Variants in ABCA2 observed in about 807,000 individuals in gnomAD.
ABCA2 encodes ATP binding cassette subfamily A member 2.
ABCA2 carries 84 observed loss-of-function variants against 262.8 expected under a neutral mutation model. That is an observed-to-expected ratio of 0.32 (90% CI 0.27 to 0.38). The LOEUF (loss-of-function observed/expected upper bound fraction) is 0.38, where lower values mean the gene tolerates loss of function less well. Ranked by LOEUF, ABCA2 falls within the 10% of genes least tolerant of loss-of-function variation. The pLI, the probability that ABCA2 is intolerant of heterozygous loss-of-function variation, is 1.00. For missense variants in ABCA2, 2,662 were observed against 3,405.9 expected, an observed-to-expected ratio of 0.78 and a Z score of 5.44; for synonymous variants, 1,696 against 1,502.9, an observed-to-expected ratio of 1.13 and a Z score of -2.97.
intron 48 of ABCA2, 63 bp from the exon 49 acceptor site, chr9:137,008,027 C>G: frequency 1.3e-6 from 2 of 1,570,056 alleles, no homozygotes; most frequent in Non-Finnish European, 1.7e-6. Flanking sequence ...GGGCTGAGGA[C>G]ACTTGTGCTG....
chr9:137,009,151 A>G, intron 45 of ABCA2, 98 bp from the exon 46 acceptor site: 2 of 1,088,804 alleles, frequency 1.8e-6, no homozygotes, highest in South Asian at 2.7e-5. Flanking sequence ...GCACCCCAGG[A>G]AGCCCCATAG....
chr9:137,014,084 C>G (rs947737268), intron 27 of ABCA2, 46 bp from the exon 28 acceptor site: 2 of 1,598,330 alleles, frequency 1.3e-6, no homozygotes, highest in Admixed American at 1.7e-5. Context: ...ACGCTACCCT[C>G]TCCCTACTGG....
chr9:137,011,711 G>A lies in ABCA2; in HGVS notation c.5574C>T (p.Ile1858=), dbSNP rs752704802. Residue 1858 remains isoleucine (I), a synonymous_variant, in exon 36 of 49, where the codon ATC becomes ATT. Coordinates refer to ENST00000341511, the MANE Select transcript of ABCA2 (RefSeq NM_001606.5). This position sits in a 1 kb window ranked among gnomAD's most constrained non-coding sequence, Gnocchi z 8.8. ...AGGCCGGCAGGTCGAACACAAACAG[G>A]ATGATGACACAGCAGGTAGCGGGGA... The part of the protein sequence containing the change: ...YLVPATCCVI[I]LFVFDLPAYT... 1 of 1,553,680 alleles carries A rather than the reference G, an allele frequency of 6.4e-7. No homozygotes were observed. The highest frequency in any genetic ancestry group is 1.2e-5 in the South Asian group (1 of 84,304).
rs192038143 is a variant in ABCA2 at position 137,012,376 on chromosome 9, C to A, written c.5188G>T (p.Val1730Phe). ...TGATAGCCCTTGTTGTTGTAGAAAA[C>A]CTGCAGAAGGAAGAGGACACAGAAA... is the stretch of plus-strand genomic sequence containing the variant. ...RKIAVRRAAQ[V>F]FYNNKGYHSM... The change falls in exon 33 of 49, where the codon GTT becomes TTT. Residue 1730 changes from valine to phenylalanine, a missense_variant and splice_region_variant. Physicochemically the swap from Val to Phe is conservative, Grantham distance 50. This residue lies in a region of ABCA2 where 602 missense variants were observed against 897.4 expected (regional missense o/e 0.67). Transcript: ENST00000341511. 6.2e-7 allele frequency: 1 copy of A among 1,611,870 alleles called. No individual in the cohort carries two copies. Among genetic ancestry groups the A allele is most frequent in the African/African-American group, 1.3e-5 (1 of 74,874 alleles).
At position 137,007,847 on chromosome 9, in the gene ABCA2, G is replaced by C; in HGVS notation, c.*82C>G. 2 of 1,571,198 alleles carry C rather than the reference G, an allele frequency of 1.3e-6. No individual in the cohort carries two copies. The highest frequency in any genetic ancestry group is 1.7e-6 in the Non-Finnish European group (2 of 1,161,326). On this transcript the variant is annotated 3_prime_UTR_variant, in exon 49 of 49. Coordinates refer to ENST00000341511, the MANE Select transcript of ABCA2 (RefSeq NM_001606.5). The stretch of plus-strand genomic sequence containing the variant: ...CTCCAGGCCCTGGCAGGCACTGGGG[G>C]ACTTCTGTCCCCATTGTTGAGTCCC...
chr9:137,020,075 A>G (rs1176598225), intron 10 of ABCA2: 1 of 515,324 alleles, frequency 1.9e-6, no homozygotes, highest in African/African-American at 2.0e-5. Context: ...CTCCACCAGC[A>G]CTGCCCTGGA....
rs762840768 is a variant in ABCA2, at chr9:137,018,307, C to A, written c.1864G>T (p.Val622Leu). The change falls in exon 14 of 49, where the codon GTG (valine) becomes TTG (leucine). Residue 622 changes from valine (V) to leucine (L), a missense_variant. By Grantham distance (32) the Val-to-Leu change is conservative. This residue lies in a region of ABCA2 where 187 missense variants were observed against 205.9 expected (regional missense o/e 0.91). Transcript: ENST00000341511. ...GAGTTCTGGCGGATCTTGTAGTGCA[C>A]GTGAGGCGGGAGCGAGCCGTCCTTC... is the stretch of plus-strand genomic sequence containing the variant. ...TRKDGSLPPH[V>L]HYKIRQNSSF... The A allele has an allele frequency of 2.6e-6, 4 of 1,545,834 alleles. No homozygotes were observed. In the African/African-American group the frequency reaches 5.8e-5, roughly 22 times the overall value.
In ABCA2 at chr9:137,023,645, C is replaced by T. The variant is rs572201475; in HGVS notation, c.163+193G>A. On this transcript the variant is annotated intron_variant, in intron 3 of 48. Transcript: ENST00000341511. ...GGCACCAGCTGTGCCTTTAGGTGGCCGGGCCTTTCACTCCCTACCACCTCC... is the reference window on the plus strand; with the variant it reads ...GGCACCAGCTGTGCCTTTAGGTGGCTGGGCCTTTCACTCCCTACCACCTCC... 6.7e-4 allele frequency: 458 copies of T among 687,458 alleles called. 1 individual carries two copies. The highest frequency in any genetic ancestry group is 5.4e-3 in the East Asian group (200 of 37,270). 42.6% of individuals were successfully genotyped at this position (687,458 alleles called of 1,614,324 possible).
chr9:137,014,368 G>T lies in ABCA2; in HGVS notation c.4040C>A (p.Ala1347Glu). The T allele has an allele frequency of 6.3e-7, 1 of 1,596,064 alleles. No homozygotes were observed. The highest frequency in any genetic ancestry group is 8.5e-7 in the Non-Finnish European group (1 of 1,171,958). The change falls in exon 27 of 49, where the codon GCG becomes GAG. Residue 1347 changes from alanine (A) to glutamate (E), a missense_variant. By Grantham distance (107) the Ala-to-Glu change is moderately radical (BLOSUM62 -1). This residue lies in a region of ABCA2 where 297 missense variants were observed against 286.5 expected (regional missense o/e 1.04). Transcript: ENST00000341511. The stretch of plus-strand genomic sequence containing the variant: ...ACCCTCCCCAGACGCCGGGCCCTCC[G>T]CCCCAGGGAGCACATCCTTCCTGGA... ...KESRKDVLPG[A>E]EGPASGEGHA...
In ABCA2 at chr9:137,014,600, G is replaced by A. The variant is rs931955521; in HGVS notation, c.4003+90C>T. 3.1e-5 allele frequency: 47 copies of A among 1,519,620 alleles called. No individual in the cohort carries two copies. The African/African-American group carries it at 5.2e-4, about 17-fold the overall frequency. 94.1% of individuals were successfully genotyped at this position (1,519,620 alleles called of 1,614,324 possible). A position where few individuals can be genotyped will look rare whatever the true frequency, so the allele number is the denominator to read the frequency against. Reference sequence around the variant, plus strand: ...GGCTTCCACCCAGGACCAGGGTGGCGCCCCCAGACACCAGGCAGGAGTGAC... The same window carrying A: ...GGCTTCCACCCAGGACCAGGGTGGCACCCCCAGACACCAGGCAGGAGTGAC... On this transcript the variant is annotated intron_variant, in intron 26 of 48. Transcript: ENST00000341511.
At position 137,014,820 on chromosome 9, in the gene ABCA2, C is replaced by A. The variant is rs367925807; in HGVS notation, c.3883-10G>T. 7.5e-6 allele frequency: 12 copies of A among 1,596,680 alleles called. No individual in the cohort carries two copies. Among genetic ancestry groups the A allele is most frequent in the Admixed American group, 1.7e-5 (1 of 57,216 alleles). ...GGCTGCGCTCCAGGTGCTGCAGGGGCGGTGGAGGGGGAGGCTGCGGCAGGG... is the reference window on the plus strand; with the variant it reads ...GGCTGCGCTCCAGGTGCTGCAGGGGAGGTGGAGGGGGAGGCTGCGGCAGGG... On this transcript the variant is annotated splice_polypyrimidine_tract_variant and intron_variant, in intron 25 of 48. Coordinates refer to ENST00000341511, the MANE Select transcript of ABCA2 (RefSeq NM_001606.5).
upstream of ABCA2, chr9:137,028,372 G>A: frequency 1.4e-6 from 1 of 715,456 alleles, no homozygotes; most frequent in Non-Finnish European, 1.7e-6. The surrounding 1 kb of genome is among the most constrained non-coding windows in gnomAD (Gnocchi z 6.9). Context: ...CCGCCAGGAG[G>A]CGCCCGCCGC....
In ABCA2 at chr9:137,019,232, G is replaced by C; in HGVS notation, c.1500C>G (p.Ile500Met). Residue 500 changes from isoleucine to methionine, a missense_variant, in exon 11 of 49, where the codon ATC becomes ATG. Around this residue, in one of 12 missense-constraint regions of ABCA2, gnomAD observed 92 missense variants for 146.7 expected, o/e 0.63. Transcript: ENST00000341511. The surrounding 1 kb of genome is among the most constrained non-coding windows in gnomAD (Gnocchi z 4.4). ...GCCTGCCCTGCTCCAGGAAGCTGCGGATCTCCGCCGAGATGTTGAGCCAGA... is the reference window on the plus strand; with the variant it reads ...GCCTGCCCTGCTCCAGGAAGCTGCGCATCTCCGCCGAGATGTTGAGCCAGA... ...AQVWLNISAE[I>M]RSFLEQGRLQ... The C allele has an allele frequency of 6.2e-7, 1 of 1,612,698 alleles. No individual in the cohort carries two copies. Among genetic ancestry groups the C allele is most frequent in the Non-Finnish European group, 8.5e-7 (1 of 1,179,908 alleles).
At chr9:137,026,194 CACAG>C (rs1831647956) in intron 1 of ABCA2, among the ~76,000 whole-genome samples, 1 of 152,232 alleles carries the variant, frequency 6.6e-6, no homozygotes, top group Non-Finnish European at 1.5e-5. Context: ...AGGCCACACT[CACAG>C]ACAGGGAAAC....
In ABCA2 at chr9:137,014,331, A is replaced by G; in HGVS notation, c.4077T>C (p.Asn1359=). The G allele has an allele frequency of 6.2e-7, 1 of 1,608,682 alleles. No homozygotes were observed. Among genetic ancestry groups the G allele is most frequent in the Non-Finnish European group, 8.5e-7 (1 of 1,178,200 alleles). The change falls in exon 27 of 49, where the codon AAT becomes AAC. Residue 1359 remains asparagine, a synonymous_variant. Coordinates refer to ENST00000341511, the MANE Select transcript of ABCA2 (RefSeq NM_001606.5). Reference sequence around the variant, plus strand: ...GGGTCAGCTCCGAGCACCGGGCCAGATTGCCAGCGTGACCCTCCCCAGACG... The same window carrying G: ...GGGTCAGCTCCGAGCACCGGGCCAGGTTGCCAGCGTGACCCTCCCCAGACG... ...GPASGEGHAG[N]LARCSELTQS...
chr9:137,007,697 A>G lies in ABCA2; in HGVS notation c.*232T>C. 1.6e-6 allele frequency: 1 copy of G among 615,466 alleles called. No individual in the cohort carries two copies. The highest frequency in any genetic ancestry group is 1.9e-5 in the South Asian group (1 of 52,596). 38.1% of individuals were successfully genotyped at this position (615,466 alleles called of 1,614,324 possible). ...CCGAGGCTTTAAGGCAAAGCAGGGC[A>G]AGGGTGTACGCAGCCCGGGCCGGGT... is the stretch of plus-strand genomic sequence containing the variant. On this transcript the variant is annotated 3_prime_UTR_variant, in exon 49 of 49. Transcript: ENST00000341511.
In ABCA2 at chr9:137,019,346, AC is replaced by A; in HGVS notation, c.1426-41del. The A allele has an allele frequency of 6.3e-7, 1 of 1,592,428 alleles. No individual in the cohort carries two copies. The highest frequency in any genetic ancestry group is 8.6e-7 in the Non-Finnish European group (1 of 1,168,774). On this transcript the variant is annotated intron_variant, in intron 10 of 48. Coordinates refer to ENST00000341511, the MANE Select transcript of ABCA2 (RefSeq NM_001606.5). This position sits in a 1 kb window ranked among gnomAD's most constrained non-coding sequence, Gnocchi z 4.4. ...GCAGGGGCATGGAGTTTCTGGACGG[AC>A]CCCCACCGACTTGGGGGCTCTCACC...
intron 28 of ABCA2, 67 bp from the exon 29 acceptor site, chr9:137,013,630 C>T: frequency 6.7e-7 from 1 of 1,487,064 alleles, no homozygotes; most frequent in African/African-American, 1.4e-5. Flanking sequence ...AAGCCTCGGT[C>T]CCCTTCCCCC....
In ABCA2 at chr9:137,015,493, C is replaced by T. The variant is rs1250422463; in HGVS notation, c.3618G>A (p.Pro1206=). The change falls in exon 24 of 49, where the codon CCG becomes CCA. Residue 1206 remains proline, a synonymous_variant. Coordinates refer to ENST00000341511, the MANE Select transcript of ABCA2 (RefSeq NM_001606.5). The part of the protein sequence containing the change: ...SHGKLKCCGS[P]LFLKGTYGDG... ...CGCCATAGGTGCCCTTGAGGAAGAGCGGGGAGCCGCAGCACTTGAGCTTCC... is the reference window on the plus strand; with the variant it reads ...CGCCATAGGTGCCCTTGAGGAAGAGTGGGGAGCCGCAGCACTTGAGCTTCC... 6.2e-6 allele frequency: 10 copies of T among 1,609,888 alleles called. No individual in the cohort carries two copies. The highest frequency in any genetic ancestry group is 1.7e-4 in the Middle Eastern group (1 of 5,972).
Sources: gnomAD v4.1 joint callset for allele counts (sites outside exome capture counted in the v4.1 genomes callset) on GRCh38, gnomAD v4.1.1 for gene constraint, gnomAD v4.1.1 regional missense constraint, Gnocchi (gnomAD v3.1) non-coding constraint, MANE v1.5 for transcripts, NCBI Gene and HGNC (gene_info 2026-07-23, HGNC 2026-07-21) for gene names.